The following AGBL4 variants were observed in gnomAD, a reference collection of about 807,000 sequenced individuals.
The protein encoded by AGBL4 is cytosolic carboxypeptidase 6.
Under a neutral mutation model 66.4 loss-of-function variants are expected in AGBL4, and 58 were observed. The observed-to-expected ratio is 0.87, with a 90% CI of 0.71 to 1.09. The LOEUF is 1.09. Ranked by LOEUF, AGBL4 falls within the 50% of genes least tolerant of loss-of-function variation. The probability of loss-of-function intolerance (pLI) is 0.00; values close to 1 mark genes in which losing one functional copy is unlikely to be tolerated. For missense variants in AGBL4, 579 were observed against 631.0 expected (o/e 0.92, Z 0.88); for synonymous variants, 234 against 222.9 (o/e 1.05, Z -0.44).
chr1:50,017,720 C>A (rs1474256073), intron 1 of AGBL4, among the ~76,000 whole-genome samples: 4 of 151,936 alleles, frequency 2.6e-5, no homozygotes, highest in African/African-American at 9.7e-5. Flanking sequence ...CAAAAGACAC[C>A]AAGACCTGCT....
At chr1:48,613,416 C>T (rs1645270056) in intron 9 of AGBL4, among the ~76,000 whole-genome samples, 1 of 152,148 alleles carries the variant, frequency 6.6e-6, no homozygotes, top group African/African-American at 2.4e-5. Flanking sequence ...TCTGATTCAG[C>T]AATAAAGTAA....
At chr1:49,141,141 G>A (rs1646109845) in intron 4 of AGBL4, among the ~76,000 whole-genome samples, 1 of 152,094 alleles carries the variant, frequency 6.6e-6, no homozygotes, top group South Asian at 2.1e-4. Flanking sequence ...TATATTCAGT[G>A]TAACAAACAT....
intron 8 of AGBL4, among the ~76,000 whole-genome samples, chr1:48,639,536 C>T (rs1454009259): frequency 6.6e-6 from 1 of 152,168 alleles, no homozygotes; most frequent in African/African-American, 2.4e-5. Flanking sequence ...TTTTTACCCC[C>T]AGAATAAGGG....
intron 3 of AGBL4, among the ~76,000 whole-genome samples, chr1:49,654,630 G>C (rs898453336): frequency 6.6e-6 from 1 of 152,000 alleles, no homozygotes; most frequent in Admixed American, 6.6e-5. Flanking sequence ...ATATATATTT[G>C]GGATAGTTAG....
intron 1 of AGBL4, among the ~76,000 whole-genome samples, chr1:49,862,293 CA>C (rs1646591995): frequency 1.3e-5 from 2 of 148,234 alleles, no homozygotes; most frequent in Non-Finnish European, 3.0e-5. Context: ...CAGAACTGAT[CA>C]AGCAGAAGAA....
intron 2 of AGBL4, among the ~76,000 whole-genome samples, chr1:49,753,925 A>C (rs1277922203): frequency 6.6e-6 from 1 of 152,126 alleles, no homozygotes; most frequent in Non-Finnish European, 1.5e-5. Context: ...CCATCAGGTC[A>C]TTTATGTTCT....
At chr1:49,754,267 T>G (rs1475459193) in intron 2 of AGBL4, among the ~76,000 whole-genome samples, 2 of 127,664 alleles carry the variant, frequency 1.6e-5, no homozygotes, top group East Asian at 4.1e-4. Context: ...ATGGGTGTTC[T>G]TTTTTTTTTT....
chr1:49,512,009 G>C (rs1463222856), intron 3 of AGBL4, among the ~76,000 whole-genome samples: 1 of 151,946 alleles, frequency 6.6e-6, no homozygotes, highest in African/African-American at 2.4e-5. Context: ...ATGAGATATA[G>C]GATATGTAAA....
chr1:49,046,343 A>G (rs2149058836), intron 4 of AGBL4, among the ~76,000 whole-genome samples: 1 of 152,348 alleles, frequency 6.6e-6, no homozygotes, highest in East Asian at 1.9e-4. Flanking sequence ...CTTTTAAAAT[A>G]AACTCATATG....
At chr1:49,639,073 G>C (rs923948072) in intron 3 of AGBL4, among the ~76,000 whole-genome samples, 1 of 152,150 alleles carries the variant, frequency 6.6e-6, no homozygotes, top group Non-Finnish European at 1.5e-5. Context: ...TCATCAGGGG[G>C]TAGCAGCAGT....
intron 3 of AGBL4, among the ~76,000 whole-genome samples, chr1:49,622,625 T>A: frequency 4.0e-5 from 2 of 50,248 alleles, no homozygotes; most frequent in South Asian, 9.3e-4. Context: ...CGAGACTCCG[T>A]CTCAAAAAAA....
chr1:49,954,775 T>C (rs2148330947), intron 1 of AGBL4, among the ~76,000 whole-genome samples: 1 of 152,060 alleles, frequency 6.6e-6, no homozygotes, highest in South Asian at 2.1e-4. Context: ...TGCCTGGTAC[T>C]ATCCATCTCA....
At chr1:49,205,859 A>G (rs1018982423) in intron 4 of AGBL4, among the ~76,000 whole-genome samples, 3 of 152,186 alleles carry the variant, frequency 2.0e-5, no homozygotes, top group African/African-American at 7.2e-5. Context: ...TGATGATGCT[A>G]TAACTGAATT....
intron 3 of AGBL4, among the ~76,000 whole-genome samples, chr1:49,576,428 C>T (rs1571085496): frequency 6.6e-6 from 1 of 152,172 alleles, no homozygotes; most frequent in East Asian, 1.9e-4. Flanking sequence ...ATGTGAATCA[C>T]AGAGGAGGGC....
Position 49,947,972 on chromosome 1 carries a change from ATTT to A in AGBL4, c.34+75788_34+75790del, listed in dbSNP as rs1557607190. 8.1e-3 allele frequency among the ~76,000 whole-genome samples: 601 copies of A among 74,418 alleles called. 22 individuals carry two copies. Among genetic ancestry groups the A allele is most frequent in the African/African-American group, 0.023 (572 of 24,480 alleles). The allele number at this position is 74,418 out of a possible 152,430, so 48.8% of individuals were successfully genotyped here. The stretch of plus-strand genomic sequence containing the variant: ...CTGCAATATATATATAAATATATAT[ATTT>A]ATAAATATATATTTATATATATAAA... On this transcript the variant is annotated intron_variant, in intron 1 of 13. Transcript: ENST00000371839.
At chr1:50,005,896 A>T (rs980837892) in intron 1 of AGBL4, among the ~76,000 whole-genome samples, 1 of 152,272 alleles carries the variant, frequency 6.6e-6, no homozygotes. Context: ...TAATAGCAGA[A>T]TCAATCACAC....
intron 3 of AGBL4, among the ~76,000 whole-genome samples, chr1:49,283,599 G>T (rs164824): frequency 0.066 from 10,022 of 152,086 alleles, 1,060 homozygotes; most frequent in African/African-American, 0.22. Flanking sequence ...CAAACCAAAG[G>T]CAAATAAGTT....
At chr1:48,902,923 C>A (rs35924600) in intron 5 of AGBL4, among the ~76,000 whole-genome samples, 2 of 152,132 alleles carry the variant, frequency 1.3e-5, no homozygotes, top group South Asian at 2.1e-4. Flanking sequence ...TAAGACTTGG[C>A]CCCTCTCATC....
At chr1:49,805,586 TC>T (rs1202023237) in intron 2 of AGBL4, among the ~76,000 whole-genome samples, 2 of 152,304 alleles carry the variant, frequency 1.3e-5, no homozygotes, top group East Asian at 3.9e-4. Context: ...TGAGGTGATG[TC>T]CTTGAGTAGC....
Sources: gnomAD v4.1 joint callset for allele counts (sites outside exome capture counted in the v4.1 genomes callset) on GRCh38, gnomAD v4.1.1 for gene constraint, MANE v1.5 for transcripts, NCBI Gene and HGNC (gene_info 2026-07-23, HGNC 2026-07-21) for gene names.